The following UNC5D variants were observed in gnomAD, a reference collection of about 807,000 sequenced individuals.
UNC5D encodes unc-5 netrin receptor D.
Under a neutral mutation model 105.4 loss-of-function variants are expected in UNC5D, and 39 were observed. The observed-to-expected ratio is 0.37, with a 90% CI of 0.29 to 0.48. UNC5D has a LOEUF of 0.48. UNC5D is among the 20% of genes least tolerant of loss of function. UNC5D has a pLI of 0.98. For synonymous variants in UNC5D, 452 were observed against 450.4 expected, an observed-to-expected ratio of 1.00 and a Z score of -0.04; for missense variants, 991 against 1,202.4, an observed-to-expected ratio of 0.82 and a Z score of 2.60.
At chr8:35,348,815 A>T (rs958493593) in intron 1 of UNC5D, among the ~76,000 whole-genome samples, 5 of 151,878 alleles carry the variant, frequency 3.3e-5, no homozygotes, top group Non-Finnish European at 7.4e-5. Flanking sequence ...CTCAAATAGT[A>T]CTATCTCAGG....
intron 4 of UNC5D, among the ~76,000 whole-genome samples, chr8:35,655,089 G>A (rs1029030445): frequency 2.0e-5 from 3 of 152,122 alleles, no homozygotes; most frequent in Non-Finnish European, 2.9e-5. Flanking sequence ...TCTCTAATAT[G>A]AAAAATAGTA....
chr8:35,316,897 G>T (rs186585418), intron 1 of UNC5D, among the ~76,000 whole-genome samples: 5 of 152,052 alleles, frequency 3.3e-5, no homozygotes, highest in African/African-American at 1.2e-4. Flanking sequence ...TTATTTAATC[G>T]TCGAAAGCAA....
At chr8:35,496,156 C>T (rs1232489861) in intron 1 of UNC5D, among the ~76,000 whole-genome samples, 1 of 152,128 alleles carries the variant, frequency 6.6e-6, no homozygotes, top group Admixed American at 6.5e-5. Context: ...CCTTCAGGTG[C>T]AATCTAAAGG....
At chr8:35,691,857 G>T (rs986813144) in intron 7 of UNC5D, among the ~76,000 whole-genome samples, 18 of 152,138 alleles carry the variant, frequency 1.2e-4, no homozygotes, top group Admixed American at 1.1e-3. Context: ...TGATCCTGAG[G>T]AATAAGAGAA....
At chr8:35,636,410 G>A (rs1822373435) in intron 4 of UNC5D, among the ~76,000 whole-genome samples, 1 of 152,148 alleles carries the variant, frequency 6.6e-6, no homozygotes, top group Non-Finnish European at 1.5e-5. Context: ...TGAATTATGG[G>A]TGTTTGGCAG....
chr8:35,568,298 G>A, intron 3 of UNC5D, 57 bp downstream of exon 3: 10 of 1,581,294 alleles, frequency 6.3e-6, no homozygotes, highest in Non-Finnish European at 8.6e-6. Flanking sequence ...GTTAAATAGA[G>A]CTGAAGAGAG....
Position 35,792,968 on chromosome 8 carries a change from AT to A in UNC5D, c.*2414del, listed in dbSNP as rs571534961. On this transcript the variant is annotated 3_prime_UTR_variant, in exon 17 of 17. Coordinates refer to ENST00000404895, the MANE Select transcript of UNC5D (RefSeq NM_080872.4). ...GAATGTCTGGAGTTACCTCCCATGG[AT>A]TTTTTTTTCCTTTGGCCTGGGTTTT... 85 of 449,678 alleles carry A rather than the reference AT, an allele frequency of 1.9e-4. No homozygotes were observed. Among genetic ancestry groups the A allele is most frequent in the South Asian group, 4.8e-4 (30 of 62,774 alleles). 27.9% of individuals were successfully genotyped at this position (449,678 alleles called of 1,614,324 possible).
chr8:35,415,613 A>G (rs1805476936), intron 1 of UNC5D, among the ~76,000 whole-genome samples: 1 of 152,120 alleles, frequency 6.6e-6, no homozygotes, highest in South Asian at 2.1e-4. Context: ...GGGATGCAGG[A>G]AGTACCCTGT....
chr8:35,333,176 A>G (rs933063292), intron 1 of UNC5D, among the ~76,000 whole-genome samples: 1 of 151,942 alleles, frequency 6.6e-6, no homozygotes, highest in Non-Finnish European at 1.5e-5. Context: ...TCTACAAAAA[A>G]TTTTTTAAAA....
intron 2 of UNC5D, among the ~76,000 whole-genome samples, chr8:35,555,064 G>C (rs1816439769): frequency 6.6e-6 from 1 of 152,166 alleles, no homozygotes; most frequent in Non-Finnish European, 1.5e-5. Flanking sequence ...CCATTAATTT[G>C]AAAGTATCTT....
At chr8:35,347,711 G>A (rs907700972) in intron 1 of UNC5D, among the ~76,000 whole-genome samples, 1 of 151,982 alleles carries the variant, frequency 6.6e-6, no homozygotes, top group Admixed American at 6.6e-5. Flanking sequence ...AGCAAAGAGA[G>A]AAAGAGGCCA....
intron 4 of UNC5D, among the ~76,000 whole-genome samples, chr8:35,651,938 A>G (rs758199492): frequency 6.6e-6 from 1 of 152,184 alleles, no homozygotes; most frequent in Non-Finnish European, 1.5e-5. Flanking sequence ...GGTTTCAGAT[A>G]TGTACAAATG....
chr8:35,305,641 C>A (rs896507874), intron 1 of UNC5D, among the ~76,000 whole-genome samples: 1 of 83,106 alleles, frequency 1.2e-5, no homozygotes, highest in African/African-American at 5.8e-5. Flanking sequence ...CTCTCTCTCT[C>A]TTCTTTCTTT....
chr8:35,578,426 C>T (rs1818250181), intron 3 of UNC5D, among the ~76,000 whole-genome samples: 1 of 152,064 alleles, frequency 6.6e-6, no homozygotes, highest in South Asian at 2.1e-4. Flanking sequence ...ATGTGGGATA[C>T]TGCTTGGTGC....
At chr8:35,725,670 C>CCGAT (rs1408467122) in intron 9 of UNC5D, among the ~76,000 whole-genome samples, 24 of 152,268 alleles carry the variant, frequency 1.6e-4, no homozygotes, top group African/African-American at 5.5e-4. Context: ...TGCACTGGAA[C>CCGAT]CGATGTAGCT....
Position 35,719,665 on chromosome 8 carries a change from G to GC in UNC5D, c.1118-2541dup, listed in dbSNP as rs574027544. ...AATTCATCCATGCATCCTCATTGCT[G>GC]CCCCTCAATAAATGTTTGTTGAATT... On this transcript the variant is annotated intron_variant, in intron 8 of 16. Coordinates refer to ENST00000404895, the MANE Select transcript of UNC5D (RefSeq NM_080872.4). Among the ~76,000 whole-genome samples, 8 of 152,262 alleles carry GC rather than the reference G, an allele frequency of 5.3e-5. No individual in the cohort carries two copies. The South Asian group carries it at 1.0e-3, about 20-fold the overall frequency.
chr8:35,590,702 A>G (rs1193742583), intron 3 of UNC5D, among the ~76,000 whole-genome samples: 1 of 152,170 alleles, frequency 6.6e-6, no homozygotes, highest in Non-Finnish European at 1.5e-5. Context: ...AGTCTTAACA[A>G]AATGTATGTG....
At chr8:35,311,936 C>A (rs1808918467) in intron 1 of UNC5D, among the ~76,000 whole-genome samples, 1 of 152,044 alleles carries the variant, frequency 6.6e-6, no homozygotes, top group Admixed American at 6.6e-5. Flanking sequence ...AATATATTTC[C>A]ATCTGTTTCC....
chr8:35,250,572 G>T (rs372366636), intron 1 of UNC5D, among the ~76,000 whole-genome samples: 2 of 152,104 alleles, frequency 1.3e-5, no homozygotes, highest in African/African-American at 4.8e-5. Flanking sequence ...TCGGCTCACC[G>T]CAACCTCCGC....
Sources: gnomAD v4.1 joint callset for allele counts (sites outside exome capture counted in the v4.1 genomes callset) on GRCh38, gnomAD v4.1.1 for gene constraint, MANE v1.5 for transcripts, NCBI Gene and HGNC (gene_info 2026-07-23, HGNC 2026-07-21) for gene names.